The following MEOX2 variants were observed in gnomAD, a reference collection of about 807,000 sequenced individuals.
MEOX2 encodes the protein mesenchyme homeobox 2, also known as homeobox protein MOX-2.
Under a neutral mutation model 27.0 loss-of-function variants are expected in MEOX2, and 11 were observed. That is an observed-to-expected ratio of 0.41 (90% CI 0.26 to 0.68). The LOEUF is 0.68. Ranked by LOEUF, MEOX2 falls within the 30% of genes least tolerant of loss-of-function variation. MEOX2 has a pLI of 0.33. For synonymous variants in MEOX2, 189 were observed against 155.4 expected, an observed-to-expected ratio of 1.22 and a Z score of -1.61; for missense variants, 436 against 385.4, an observed-to-expected ratio of 1.13 and a Z score of -1.10.
chr7:15,672,772 G>A (rs1040190413), intron 1 of MEOX2, among the ~76,000 whole-genome samples: 33 of 151,772 alleles, frequency 2.2e-4, no homozygotes, highest in Non-Finnish European at 2.6e-4. Context: ...CGTGCCTGTA[G>A]TCCCAGCTAC....
chr7:15,682,088 T>A (rs368434191), intron 1 of MEOX2: 1 of 151,836 alleles, frequency 6.6e-6, no homozygotes, highest in Non-Finnish European at 1.5e-5. Context: ...CATTTTTAAA[T>A]GTTCACACCT....
At chr7:15,681,766 A>G (rs1270650231) in intron 1 of MEOX2, 1 of 151,772 alleles carries the variant, frequency 6.6e-6, no homozygotes, top group African/African-American at 2.4e-5. Flanking sequence ...ATTGATAATT[A>G]CCATAAACAA....
At chr7:15,665,701 G>C (rs750425079) in intron 1 of MEOX2, among the ~76,000 whole-genome samples, 2 of 152,096 alleles carry the variant, frequency 1.3e-5, no homozygotes, top group African/African-American at 2.4e-5. Context: ...AAAGTAATTT[G>C]TAGTATTCAT....
At chr7:15,678,027 C>T (rs1196242491) in intron 1 of MEOX2, among the ~76,000 whole-genome samples, 1 of 152,110 alleles carries the variant, frequency 6.6e-6, no homozygotes, top group Non-Finnish European at 1.5e-5. Flanking sequence ...TGTGGACATT[C>T]ACAAGACTGT....
intron 2 of MEOX2, among the ~76,000 whole-genome samples, chr7:15,612,907 C>T (rs750156488): frequency 1.3e-5 from 2 of 152,176 alleles, no homozygotes; most frequent in Non-Finnish European, 2.9e-5. Flanking sequence ...AAAGCACTTG[C>T]GTCTATAAAG....
intron 1 of MEOX2, among the ~76,000 whole-genome samples, chr7:15,672,576 A>C (rs1055488354): frequency 2.0e-5 from 3 of 152,182 alleles, no homozygotes; most frequent in Non-Finnish European, 4.4e-5. Context: ...ATACAATCAA[A>C]GGTATTTCAC....
At chr7:15,615,621 T>G (rs571944334) in intron 2 of MEOX2, among the ~76,000 whole-genome samples, 14 of 152,188 alleles carry the variant, frequency 9.2e-5, no homozygotes, top group Non-Finnish European at 1.8e-4. Context: ...CTATTCCACA[T>G]GAGTTGGGTT....
chr7:15,661,012 CAAAAA>C (rs71004402), intron 1 of MEOX2, among the ~76,000 whole-genome samples: 21 of 44,338 alleles, frequency 4.7e-4, no homozygotes, highest in East Asian at 2.8e-3. Flanking sequence ...GACTCAGTCT[CAAAAA>C]AAAAAAAAAA....
At chr7:15,642,468 A>T (rs1454093372) in intron 1 of MEOX2, among the ~76,000 whole-genome samples, 1 of 151,522 alleles carries the variant, frequency 6.6e-6, no homozygotes, top group Non-Finnish European at 1.5e-5. Flanking sequence ...CAAAGTTTCT[A>T]TTTTGCTTTT....
chr7:15,642,718 C>T (rs1028785844), intron 1 of MEOX2, among the ~76,000 whole-genome samples: 6 of 152,152 alleles, frequency 3.9e-5, no homozygotes, highest in African/African-American at 1.4e-4. Flanking sequence ...ATGCTGGTTC[C>T]TTCTTATCTG....
intron 1 of MEOX2, among the ~76,000 whole-genome samples, chr7:15,646,362 T>C (rs930545189): frequency 3.3e-5 from 5 of 152,024 alleles, no homozygotes; most frequent in African/African-American, 1.2e-4. Context: ...GAAATGACAT[T>C]GGCTTTCTAT....
chr7:15,625,727 A>G (rs930184321), intron 2 of MEOX2, among the ~76,000 whole-genome samples: 3 of 152,210 alleles, frequency 2.0e-5, no homozygotes, highest in Admixed American at 2.0e-4. Context: ...ATGTTTTTGT[A>G]AAGATTAGCA....
At chr7:15,671,930 T>C (rs959366826) in intron 1 of MEOX2, among the ~76,000 whole-genome samples, 1 of 151,744 alleles carries the variant, frequency 6.6e-6, no homozygotes, top group Non-Finnish European at 1.5e-5. Context: ...TAATCTCTAC[T>C]AATAATACAA....
chr7:15,649,708 G>A (rs969482391), intron 1 of MEOX2, among the ~76,000 whole-genome samples: 6 of 152,036 alleles, frequency 3.9e-5, no homozygotes, highest in African/African-American at 1.2e-4. Context: ...ACAAGCTGAG[G>A]GACGAAGTTG....
chr7:15,645,301 A>G (rs958224520), intron 1 of MEOX2, among the ~76,000 whole-genome samples: 1 of 152,204 alleles, frequency 6.6e-6, no homozygotes, highest in African/African-American at 2.4e-5. Flanking sequence ...AAATAAGTAC[A>G]AAAGATTTCT....
intron 1 of MEOX2, among the ~76,000 whole-genome samples, chr7:15,683,164 G>C (rs1266311509): frequency 6.6e-6 from 1 of 151,942 alleles, no homozygotes; most frequent in African/African-American, 2.4e-5. Context: ...TATTTAAGCT[G>C]TTTTTCAATA....
chr7:15,665,095 C>T (rs1781980152), intron 1 of MEOX2, among the ~76,000 whole-genome samples: 1 of 147,926 alleles, frequency 6.8e-6, no homozygotes, highest in African/African-American at 2.5e-5. Context: ...AAAGCCTCTA[C>T]TTTTCTTACA....
intron 1 of MEOX2, among the ~76,000 whole-genome samples, chr7:15,657,373 AT>A (rs558721810): frequency 1.3e-5 from 2 of 151,746 alleles, no homozygotes; most frequent in South Asian, 2.1e-4. Context: ...TATGGTAAAA[AT>A]TTTTTTTCAA....
At chr7:15,617,686 G>A (rs528527640) in intron 2 of MEOX2, among the ~76,000 whole-genome samples, 1 of 152,056 alleles carries the variant, frequency 6.6e-6, no homozygotes, top group South Asian at 2.1e-4. Context: ...AGGCTGTGGA[G>A]GGTTAGGATA....
Sources: gnomAD v4.1 joint callset for allele counts (sites outside exome capture counted in the v4.1 genomes callset) on GRCh38, gnomAD v4.1.1 for gene constraint, MANE v1.5 for transcripts, NCBI Gene and HGNC (gene_info 2026-07-23, HGNC 2026-07-21) for gene names.